PRKAR1B: variants seen among roughly 807,000 people sequenced by gnomAD.
PRKAR1B encodes the protein cAMP-dependent protein kinase type I-beta regulatory subunit.
A neutral mutation model predicts 46.5 loss-of-function variants in PRKAR1B; 22 were observed. The observed-to-expected ratio is 0.47, with a 90% CI of 0.34 to 0.68. The LOEUF (loss-of-function observed/expected upper bound fraction) is 0.68, where lower values mean the gene tolerates loss of function less well. PRKAR1B is among the 30% of genes least tolerant of loss of function. The pLI is 0.01. For missense variants in PRKAR1B, 445 were observed against 535.6 expected, an observed-to-expected ratio of 0.83 and a Z score of 1.67; for synonymous variants, 259 against 217.7, an observed-to-expected ratio of 1.19 and a Z score of -1.67.
At chr7:633,534 C>A (rs541785698) in intron 4 of PRKAR1B, among the ~76,000 whole-genome samples, 25 of 152,196 alleles carry the variant, frequency 1.6e-4, no homozygotes, top group African/African-American at 5.8e-4. Context: ...GAGGCCGAGG[C>A]GGGAGGATCA....
intron 3 of PRKAR1B, among the ~76,000 whole-genome samples, chr7:678,233 C>T (rs891538780): frequency 6.6e-6 from 1 of 152,190 alleles, no homozygotes; most frequent in East Asian, 1.9e-4. Context: ...CATGCCACTG[C>T]ACTTCAGCCT....
chr7:716,875 T>C (rs1012646053), intron 1 of PRKAR1B: 2 of 152,308 alleles, frequency 1.3e-5, no homozygotes, highest in Non-Finnish European at 2.9e-5. Context: ...CTGCATGTGA[T>C]TGTGGCTGAT....
intron 4 of PRKAR1B, among the ~76,000 whole-genome samples, chr7:619,630 T>A (rs1783007089): frequency 6.6e-6 from 1 of 152,198 alleles, no homozygotes; most frequent in Admixed American, 6.5e-5. Context: ...GGAGCTCCCA[T>A]GTGTGCCTGC....
chr7:604,730 C>T (rs1011543203), intron 6 of PRKAR1B, among the ~76,000 whole-genome samples: 3 of 152,200 alleles, frequency 2.0e-5, no homozygotes, highest in Non-Finnish European at 4.4e-5. Context: ...CCCAGAATAG[C>T]GTGGCCGGGA....
intron 9 of PRKAR1B, among the ~76,000 whole-genome samples, chr7:552,286 C>T (rs1356520627): frequency 1.5e-4 from 19 of 127,782 alleles, no homozygotes; most frequent in Non-Finnish European, 2.7e-4. Flanking sequence ...CTGCCATCAC[C>T]ACGTCACCAC....
At position 549,213 on chromosome 7, in the gene PRKAR1B, T is replaced by A. The variant is rs1301752138; in HGVS notation, c.*1217A>T. The A allele has an allele frequency of 1.3e-5, 2 of 152,124 alleles. No individual in the cohort carries two copies. The highest frequency in any genetic ancestry group is 2.9e-5 in the Non-Finnish European group (2 of 68,026). 9.4% of individuals were successfully genotyped at this position (152,124 alleles called of 1,614,324 possible). On this transcript the variant is annotated 3_prime_UTR_variant, in exon 11 of 11. Transcript: ENST00000537384. ...CGGGAAGAGGTACTTCATTGCACGT[T>A]TAATGCTTCATGCAGTATTCAGAGC...
chr7:722,102 T>C (rs1197381083), intron 1 of PRKAR1B, among the ~76,000 whole-genome samples: 1 of 141,852 alleles, frequency 7.0e-6, no homozygotes, highest in Non-Finnish European at 1.5e-5. Context: ...CAGCCTTTTT[T>C]TTTTTTTTTT....
intron 9 of PRKAR1B, among the ~76,000 whole-genome samples, chr7:552,852 G>A (rs1255463678): frequency 2.6e-5 from 4 of 152,252 alleles, no homozygotes; most frequent in African/African-American, 7.2e-5. Flanking sequence ...AAAGGGGAGG[G>A]GGGCGCTGTC....
chr7:582,694 C>T (rs1281182242), intron 8 of PRKAR1B, among the ~76,000 whole-genome samples: 2 of 152,218 alleles, frequency 1.3e-5, no homozygotes, highest in Non-Finnish European at 2.9e-5. Flanking sequence ...CCTTCATGGC[C>T]TGCAGCAACC....
chr7:578,085 A>G (rs1286977790), intron 9 of PRKAR1B, among the ~76,000 whole-genome samples: 1 of 152,200 alleles, frequency 6.6e-6, no homozygotes, highest in African/African-American at 2.4e-5. Flanking sequence ...ACAATGGTGC[A>G]CGGGTGGGCG....
In PRKAR1B at chr7:585,088, G is replaced by T. The variant is rs577969468; in HGVS notation, c.709-520C>A. On this transcript the variant is annotated intron_variant, in intron 7 of 10. Coordinates refer to ENST00000537384, the MANE Select transcript of PRKAR1B (RefSeq NM_001164760.2). ...CTTCCCTCAACCCTGGGAAAAGCAT[G>T]CTGAATCATACAATACCAACAAACA... Among the ~76,000 whole-genome samples the T allele has an allele frequency of 1.6e-4, 24 of 152,322 alleles. No individual in the cohort carries two copies. In the South Asian group the frequency reaches 5.0e-3, roughly 32 times the overall value.
chr7:709,532 G>C (rs187739284), intron 2 of PRKAR1B, among the ~76,000 whole-genome samples: 1 of 151,832 alleles, frequency 6.6e-6, no homozygotes, highest in African/African-American at 2.4e-5. Context: ...CACCTCGCCC[G>C]GCTAATTTTT....
At chr7:573,956 C>T (rs1377234516) in intron 9 of PRKAR1B, among the ~76,000 whole-genome samples, 1 of 152,200 alleles carries the variant, frequency 6.6e-6, no homozygotes, top group African/African-American at 2.4e-5. Flanking sequence ...ACGCGGTGTG[C>T]GTGGGGGGCT....
chr7:602,296 G>C lies in PRKAR1B; in HGVS notation c.549+3897C>G, dbSNP rs925291369. On this transcript the variant is annotated intron_variant, in intron 6 of 10. Coordinates refer to ENST00000537384, the MANE Select transcript of PRKAR1B (RefSeq NM_001164760.2). The surrounding 1 kb of genome is among the most constrained non-coding windows in gnomAD (Gnocchi z 6.4). ...TACAGACGGCGGCGGGGGGAGGGGGGGTCTGTCCTGCTGGAAGGACGGAGG... is the reference window on the plus strand; with the variant it reads ...TACAGACGGCGGCGGGGGGAGGGGGCGTCTGTCCTGCTGGAAGGACGGAGG... Among the ~76,000 whole-genome samples, 2 of 152,134 alleles carry C rather than the reference G, an allele frequency of 1.3e-5. No homozygotes were observed. Among genetic ancestry groups the C allele is most frequent in the Non-Finnish European group, 2.9e-5 (2 of 68,008 alleles).
intron 2 of PRKAR1B, among the ~76,000 whole-genome samples, chr7:709,357 G>C (rs1227982527): frequency 6.7e-6 from 1 of 149,538 alleles, no homozygotes; most frequent in Admixed American, 6.7e-5. Context: ...ATGCATGTGT[G>C]TGTGTATGTA....
chr7:606,767 C>CGTGTGTGTGTGT lies in PRKAR1B; in HGVS notation c.503-540_503-529dup, dbSNP rs71546453. ...CCGGCCTCACAATGAGAATTTTATGCGTGTGTGTGTGTGTGTGTGTGTGTG... is the reference window on the plus strand; with the variant it reads ...CCGGCCTCACAATGAGAATTTTATGCGTGTGTGTGTGTGTGTGTGTGTGTGTGTGTGTGTGTG... On this transcript the variant is annotated intron_variant, in intron 5 of 10. Coordinates refer to ENST00000537384, the MANE Select transcript of PRKAR1B (RefSeq NM_001164760.2). Among the ~76,000 whole-genome samples the CGTGTGTGTGTGT allele has an allele frequency of 4.6e-4, 68 of 148,372 alleles. 1 individual carries two copies. Among genetic ancestry groups the CGTGTGTGTGTGT allele is most frequent in the Non-Finnish European group, 7.0e-4 (47 of 66,994 alleles).
intron 7 of PRKAR1B, among the ~76,000 whole-genome samples, chr7:590,252 A>G (rs1052098647): frequency 3.3e-5 from 5 of 152,230 alleles, no homozygotes; most frequent in Non-Finnish European, 7.3e-5. Context: ...GCTCCAAAGT[A>G]TGTGCACATC....
At chr7:553,342 G>C (rs925826685) in intron 9 of PRKAR1B, among the ~76,000 whole-genome samples, 2 of 152,196 alleles carry the variant, frequency 1.3e-5, no homozygotes, top group Non-Finnish European at 2.9e-5. Context: ...GACACTCCCC[G>C]AATTCCACTC....
At chr7:600,456 C>A (rs1217062187) in intron 6 of PRKAR1B, among the ~76,000 whole-genome samples, 1 of 152,218 alleles carries the variant, frequency 6.6e-6, no homozygotes, top group Non-Finnish European at 1.5e-5. Context: ...CACGCCACCG[C>A]ACTCCCAGCC....
Sources: allele counts gnomAD v4.1 joint callset (sites outside exome capture counted in the v4.1 genomes callset), GRCh38; gene constraint gnomAD v4.1.1; non-coding constraint Gnocchi (gnomAD v3.1); transcripts MANE v1.5; gene names NCBI Gene and HGNC (gene_info 2026-07-23, HGNC 2026-07-21).